The following PBK variants were observed in gnomAD, a reference collection of about 807,000 sequenced individuals.
PBK encodes lymphokine-activated killer T-cell-originated protein kinase.
Under a neutral mutation model 33.5 loss-of-function variants are expected in PBK, and 22 were observed. The observed-to-expected ratio is 0.66, with a 90% confidence interval of 0.47 to 0.94. The LOEUF is 0.94. Among genes scored for constraint, PBK ranks in the 40% least tolerant of loss-of-function variants. PBK has a pLI of 0.00. For missense variants in PBK, 376 were observed against 383.4 expected, an observed-to-expected ratio of 0.98 and a Z score of 0.16; for synonymous variants, 129 against 123.8, an observed-to-expected ratio of 1.04 and a Z score of -0.28.
chr8:27,817,018 T>C (rs1242469708), intron 6 of PBK, among the ~76,000 whole-genome samples: 2 of 152,110 alleles, frequency 1.3e-5, no homozygotes, highest in African/African-American at 2.4e-5. Context: ...TTTGAAGTGA[T>C]CAGAGGCAAA....
Position 27,820,711 on chromosome 8 carries a change from T to C in PBK, c.466-17A>G, listed in dbSNP as rs780103912. 1 of 1,449,738 alleles carries C rather than the reference T, an allele frequency of 6.9e-7. No homozygotes were observed. The highest frequency in any genetic ancestry group is 1.3e-5 in the South Asian group (1 of 79,228). The allele number at this position is 1,449,738 out of a possible 1,614,324, so 89.8% of individuals were successfully genotyped here. On this transcript the variant is annotated splice_polypyrimidine_tract_variant and intron_variant, in intron 5 of 7. Transcript: ENST00000301905. ...GTGCAGATACTAAAATAGTAAAAAATTTAACACATATGTGCAGAAACACAA... is the reference window on the plus strand; with the variant it reads ...GTGCAGATACTAAAATAGTAAAAAACTTAACACATATGTGCAGAAACACAA...
chr8:27,818,423 T>A (rs1221165291), intron 6 of PBK, among the ~76,000 whole-genome samples: 1 of 152,242 alleles, frequency 6.6e-6, no homozygotes, highest in Non-Finnish European at 1.5e-5. Context: ...CAAGGTTCCC[T>A]TCTTAGAGCT....
In PBK at chr8:27,823,062, C is replaced by T. The variant is rs759874757; in HGVS notation, c.295+1G>A. 6.3e-7 allele frequency: 1 copy of T among 1,587,852 alleles called. No homozygotes were observed. Among genetic ancestry groups the T allele is most frequent in the Non-Finnish European group, 8.6e-7 (1 of 1,160,842 alleles). On this transcript the variant is annotated splice_donor_variant, in intron 4 of 7. Transcript: ENST00000301905. LOFTEE classifies it high-confidence loss of function. The stretch of plus-strand genomic sequence containing the variant: ...GATACTGCTACCAAATTTAAACGTA[C>T]CAACAATGTTTGGATGATGAAGGCT...
chr8:27,811,887 G>A (rs571241384), intron 6 of PBK: 1 of 152,202 alleles, frequency 6.6e-6, no homozygotes, highest in Admixed American at 6.5e-5. Context: ...AATATTTTGG[G>A]TTTTGGTACT....
intron 6 of PBK, among the ~76,000 whole-genome samples, chr8:27,811,626 T>C (rs1354316120): frequency 1.3e-5 from 2 of 152,110 alleles, no homozygotes; most frequent in African/African-American, 2.4e-5. Context: ...AAGAAAGAAA[T>C]AGGTCCACTC....
intron 6 of PBK, among the ~76,000 whole-genome samples, chr8:27,815,553 A>G (rs531655186): frequency 2.0e-5 from 3 of 152,362 alleles, no homozygotes; most frequent in South Asian, 4.1e-4. Flanking sequence ...CATGGCCCAC[A>G]TGGGCAGTGA....
chr8:27,819,287 GTTC>G (rs1683505432), intron 6 of PBK, among the ~76,000 whole-genome samples: 1 of 151,632 alleles, frequency 6.6e-6, no homozygotes, highest in South Asian at 2.1e-4. Context: ...TCTGCTTTCT[GTTC>G]TTAGGGCGTC....
chr8:27,824,699 GT>G (rs1366608312), intron 3 of PBK, among the ~76,000 whole-genome samples: 1 of 152,036 alleles, frequency 6.6e-6, no homozygotes, highest in Non-Finnish European at 1.5e-5. Context: ...TATACAAACT[GT>G]TTCCCCAGGG....
intron 2 of PBK, among the ~76,000 whole-genome samples, chr8:27,828,530 C>T (rs903523843): frequency 1.3e-4 from 20 of 151,840 alleles, no homozygotes; most frequent in Non-Finnish European, 1.5e-4. Context: ...TTTTGGAGTC[C>T]GGGGCAGGAG....
intron 1 of PBK, among the ~76,000 whole-genome samples, chr8:27,837,223 A>G (rs747060316): frequency 6.6e-6 from 1 of 152,258 alleles, no homozygotes; most frequent in Non-Finnish European, 1.5e-5. Flanking sequence ...CAAGCAAGCT[A>G]ATCTACAGAT....
intron 1 of PBK, among the ~76,000 whole-genome samples, chr8:27,834,442 G>C (rs1183723551): frequency 6.6e-6 from 1 of 152,188 alleles, no homozygotes; most frequent in Non-Finnish European, 1.5e-5. Context: ...GTGGGTATGG[G>C]ATTTCTTTCT....
Position 27,810,206 on chromosome 8 carries a change from T to C in PBK, c.*99A>G. The C allele has an allele frequency of 5.0e-6, 4 of 792,886 alleles. No individual in the cohort carries two copies. In the South Asian group the frequency reaches 6.3e-5, roughly 12 times the overall value. The allele number at this position is 792,886 out of a possible 1,614,324, so 49.1% of individuals were successfully genotyped here. The stretch of plus-strand genomic sequence containing the variant: ...TTAACAAGAAACTATGGTCCTCAAA[T>C]ATGCCAATTTTAGAGTCTAATAACT... On this transcript the variant is annotated 3_prime_UTR_variant, in exon 8 of 8. Coordinates refer to ENST00000301905, the MANE Select transcript of PBK (RefSeq NM_018492.4).
At chr8:27,813,989 T>G (rs1430492387) in intron 6 of PBK, among the ~76,000 whole-genome samples, 1 of 152,202 alleles carries the variant, frequency 6.6e-6, no homozygotes, top group East Asian at 1.9e-4. Context: ...GATGCAGGCA[T>G]GCAGTGTATA....
intron 1 of PBK, among the ~76,000 whole-genome samples, chr8:27,836,730 G>A (rs1354587811): frequency 1.3e-5 from 2 of 152,082 alleles, no homozygotes; most frequent in Admixed American, 1.3e-4. Flanking sequence ...ATATTCAGAA[G>A]CAGCACGTTT....
intron 3 of PBK, among the ~76,000 whole-genome samples, chr8:27,826,077 G>A (rs1026791645): frequency 1.3e-5 from 2 of 152,060 alleles, no homozygotes; most frequent in Non-Finnish European, 2.9e-5. Context: ...CCAGGACAGT[G>A]GGGGGGACAG....
intron 3 of PBK, among the ~76,000 whole-genome samples, chr8:27,826,581 G>A (rs1169965291): frequency 3.7e-5 from 4 of 108,894 alleles, no homozygotes; most frequent in Non-Finnish European, 3.6e-5. Context: ...CGGATCACGA[G>A]GTCAGGAGAT....
At chr8:27,822,757 A>G (rs1055853906) in intron 4 of PBK, among the ~76,000 whole-genome samples, 1 of 152,174 alleles carries the variant, frequency 6.6e-6, no homozygotes, top group African/African-American at 2.4e-5. Flanking sequence ...AAAATGAAAA[A>G]TGAAATCCAG....
chr8:27,817,577 T>C (rs1585424923), intron 6 of PBK, among the ~76,000 whole-genome samples: 1 of 152,118 alleles, frequency 6.6e-6, no homozygotes, highest in African/African-American at 2.4e-5. Context: ...AACCTAGTTA[T>C]ATCTTGAAAC....
chr8:27,828,609 T>A (rs201886690), intron 2 of PBK, among the ~76,000 whole-genome samples: 5 of 144,490 alleles, frequency 3.5e-5, no homozygotes, highest in Admixed American at 1.4e-4. Flanking sequence ...CACGAAAAAA[T>A]TTTTTTAATT....
Sources: allele counts gnomAD v4.1 joint callset (sites outside exome capture counted in the v4.1 genomes callset), GRCh38; gene constraint gnomAD v4.1.1; transcripts MANE v1.5; gene names NCBI Gene and HGNC (gene_info 2026-07-23, HGNC 2026-07-21).